KCTD1: variants seen among roughly 807,000 people sequenced by gnomAD.
KCTD1 encodes the protein BTB/POZ domain-containing protein KCTD1.
KCTD1 carries 24 observed loss-of-function variants against 66.0 expected under a neutral mutation model. That is an observed-to-expected ratio of 0.36 (90% CI 0.26 to 0.51). KCTD1 has a LOEUF of 0.51. Ranked by LOEUF, KCTD1 falls within the 20% of genes least tolerant of loss-of-function variation. KCTD1 has a pLI of 0.95. For synonymous variants in KCTD1, 511 were observed against 517.2 expected, an observed-to-expected ratio of 0.99 and a Z score of 0.16; for missense variants, 943 against 1,205.2, an observed-to-expected ratio of 0.78 and a Z score of 3.22.
At chr18:26,520,302 C>T (rs1363153800) in intron 1 of KCTD1, among the ~76,000 whole-genome samples, 1 of 152,188 alleles carries the variant, frequency 6.6e-6, no homozygotes, top group Non-Finnish European at 1.5e-5. Flanking sequence ...TTTCTGCCAT[C>T]TCCCCAGAGA....
At chr18:26,600,007 G>A in intron 1 of KCTD1, 1 of 1,611,470 alleles carries the variant, frequency 6.2e-7, no homozygotes. Context: ...GACCCTCTCA[G>A]CCAACGATAT....
Position 26,592,015 on chromosome 18 carries a change from T to C in KCTD1, c.-16+37132A>G, listed in dbSNP as rs576799137. ...CATAAATCATGCACTGTCTAGTTACTGTGTAAGTAACTACAACTACTAGTT... is the reference window on the plus strand; with the variant it reads ...CATAAATCATGCACTGTCTAGTTACCGTGTAAGTAACTACAACTACTAGTT... On this transcript the variant is annotated intron_variant, in intron 1 of 4. Coordinates refer to the KCTD1 transcript ENST00000317932. Among the ~76,000 whole-genome samples, 9 of 152,346 alleles carry C rather than the reference T, an allele frequency of 5.9e-5. No individual in the cohort carries two copies. The South Asian group carries it at 1.7e-3, about 28-fold the overall frequency.
intron 2 of KCTD1, among the ~76,000 whole-genome samples, chr18:26,495,962 T>C (rs1982450071): frequency 6.6e-6 from 1 of 152,350 alleles, no homozygotes; most frequent in South Asian, 2.1e-4. Flanking sequence ...GATCTAACTT[T>C]GAAATCAGAC....
At chr18:26,467,218 A>C (rs1980786394) in intron 3 of KCTD1, among the ~76,000 whole-genome samples, 1 of 151,938 alleles carries the variant, frequency 6.6e-6, no homozygotes, top group Non-Finnish European at 1.5e-5. Context: ...AATGTTATTA[A>C]AAATAAACAA....
chr18:26,484,395 G>A (rs118001552), intron 2 of KCTD1, among the ~76,000 whole-genome samples: 2,538 of 152,208 alleles, frequency 0.017, 36 homozygotes, highest in Middle Eastern at 0.068. Context: ...AAGAAAGTAG[G>A]GGAGAAAGGA....
At chr18:26,516,377 G>A (rs1372873695) in intron 1 of KCTD1, among the ~76,000 whole-genome samples, 1 of 152,158 alleles carries the variant, frequency 6.6e-6, no homozygotes, top group Non-Finnish European at 1.5e-5. Flanking sequence ...CCTTTTGTAT[G>A]AGAGAAGTTT....
chr18:26,547,586 G>A lies in KCTD1; in HGVS notation c.951C>T (p.Tyr317=), dbSNP rs1985312841. 1 of 1,551,484 alleles carries A rather than the reference G, an allele frequency of 6.4e-7. No homozygotes were observed. The highest frequency in any genetic ancestry group is 8.7e-7 in the Non-Finnish European group (1 of 1,146,834). ...GGTTCTCGCGGCCGCGGGTACAGAA[G>A]TACATGCACGTCTCGAACCAGACCT... ...LNKVWFETCM[Y]FCTRGRENQR... is the part of the protein sequence containing the mutation. The change falls in exon 1 of 5, where the codon TAC becomes TAT. Residue 317 remains tyrosine (Y), a synonymous_variant. Coordinates refer to ENST00000580059, the MANE Select transcript of KCTD1 (RefSeq NM_001142730.3).
At chr18:26,521,492 A>G (rs534264177) in intron 1 of KCTD1, among the ~76,000 whole-genome samples, 116 of 152,354 alleles carry the variant, frequency 7.6e-4, no homozygotes, top group African/African-American at 2.7e-3. Context: ...CACTTACTTC[A>G]CAGGGCTGTC....
At chr18:26,488,389 T>A (rs1231038218) in intron 2 of KCTD1, among the ~76,000 whole-genome samples, 1 of 152,222 alleles carries the variant, frequency 6.6e-6, no homozygotes, top group African/African-American at 2.4e-5. Flanking sequence ...AGCATTCTTT[T>A]TTTTTTCTTT....
In KCTD1 at chr18:26,608,918, C is replaced by T. The variant is rs1325348020; in HGVS notation, c.-16+20229G>A. ...AACAATAACATTTAATGCCTTTCAT[C>T]AGATCAGACTGTAAATACTAATTAG... is the stretch of plus-strand genomic sequence containing the variant. On this transcript the variant is annotated intron_variant, in intron 1 of 4. Coordinates refer to the KCTD1 transcript ENST00000317932. 2.6e-5 allele frequency among the ~76,000 whole-genome samples: 4 copies of T among 152,192 alleles called. No homozygotes were observed. In the East Asian group the frequency reaches 7.7e-4, roughly 29 times the overall value.
chr18:26,504,496 G>A (rs1479264871), intron 1 of KCTD1, among the ~76,000 whole-genome samples: 1 of 152,078 alleles, frequency 6.6e-6, no homozygotes, highest in Non-Finnish European at 1.5e-5. Flanking sequence ...CCTCCAAAGT[G>A]TTGGGATTAC....
At chr18:26,628,925 A>G (rs1987560562) in intron 1 of KCTD1, among the ~76,000 whole-genome samples, 1 of 152,218 alleles carries the variant, frequency 6.6e-6, no homozygotes. Flanking sequence ...TAACTGCTGG[A>G]GAGTTTCCGA....
At chr18:26,552,589 T>G (rs1985600705), upstream of KCTD1, among the ~76,000 whole-genome samples, 1 of 152,362 alleles carries the variant, frequency 6.6e-6, no homozygotes, top group Non-Finnish European at 1.5e-5. Context: ...TAAAATGAAT[T>G]TAATGGCTGC....
chr18:26,525,138 G>C (rs535779446), intron 1 of KCTD1, among the ~76,000 whole-genome samples: 3 of 152,230 alleles, frequency 2.0e-5, no homozygotes, highest in Non-Finnish European at 2.9e-5. Flanking sequence ...TAAAAATCTT[G>C]GTTTCTTTTG....
upstream of KCTD1, among the ~76,000 whole-genome samples, chr18:26,550,491 G>C (rs1985512587): frequency 6.6e-6 from 1 of 151,806 alleles, no homozygotes; most frequent in South Asian, 2.1e-4. This position sits in a 1 kb window ranked among gnomAD's most constrained non-coding sequence, Gnocchi z 5.4. Flanking sequence ...AACCGCGCCA[G>C]GTGTGAAACA....
intron 1 of KCTD1, among the ~76,000 whole-genome samples, chr18:26,557,890 T>C (rs1243614243): frequency 1.3e-5 from 2 of 152,162 alleles, no homozygotes; most frequent in Non-Finnish European, 2.9e-5. Context: ...ATACATATCC[T>C]CCCCTGGTCA....
intron 1 of KCTD1, among the ~76,000 whole-genome samples, chr18:26,571,932 C>A (rs78073540): frequency 0.018 from 2,812 of 152,084 alleles, 64 homozygotes; most frequent in African/African-American, 0.054. Flanking sequence ...AACAAATTAA[C>A]CCATTGAGTG....
intron 1 of KCTD1, among the ~76,000 whole-genome samples, chr18:26,636,499 G>A (rs1158647457): frequency 6.6e-6 from 1 of 152,194 alleles, no homozygotes; most frequent in Non-Finnish European, 1.5e-5. Flanking sequence ...TCACACCAGG[G>A]TGCCCTGAGT....
chr18:26,471,176 A>C (rs1981041245), intron 3 of KCTD1, among the ~76,000 whole-genome samples: 1 of 152,048 alleles, frequency 6.6e-6, no homozygotes, highest in Admixed American at 6.5e-5. Context: ...GAGTCACTAC[A>C]TTCCTTAAGA....
Sources: gnomAD v4.1 joint callset for allele counts (sites outside exome capture counted in the v4.1 genomes callset) on GRCh38, gnomAD v4.1.1 for gene constraint, Gnocchi (gnomAD v3.1) non-coding constraint, MANE v1.5 for transcripts, NCBI Gene and HGNC (gene_info 2026-07-23, HGNC 2026-07-21) for gene names.